UVRAG: variants seen among roughly 807,000 people sequenced by gnomAD.
UVRAG encodes the protein UV radiation resistance-associated gene protein.
UVRAG carries 19 observed loss-of-function variants against 78.0 expected under a neutral mutation model. That is an observed-to-expected ratio of 0.24 (90% CI 0.17 to 0.36). The LOEUF is 0.36. Among genes scored for constraint, UVRAG ranks in the 10% least tolerant of loss-of-function variants. The probability of loss-of-function intolerance (pLI) is 1.00; values close to 1 mark genes in which losing one functional copy is unlikely to be tolerated. For synonymous variants in UVRAG, 323 were observed against 324.6 expected, an observed-to-expected ratio of 1.00 and a Z score of 0.05; for missense variants, 740 against 853.8, an observed-to-expected ratio of 0.87 and a Z score of 1.66.
intron 5 of UVRAG, among the ~76,000 whole-genome samples, chr11:75,898,500 G>C (rs1466227171): frequency 3.3e-5 from 5 of 152,040 alleles, no homozygotes; most frequent in Non-Finnish European, 5.9e-5. Context: ...GCATCTAATA[G>C]GTATATAGTA....
At chr11:76,039,662 G>T (rs1045995642) in intron 12 of UVRAG, among the ~76,000 whole-genome samples, 7 of 152,258 alleles carry the variant, frequency 4.6e-5, no homozygotes, top group African/African-American at 1.7e-4. Context: ...ATCACCTAAG[G>T]TTGGGAGTTT....
intron 14 of UVRAG, among the ~76,000 whole-genome samples, chr11:76,125,541 C>T (rs2039378140): frequency 1.3e-5 from 2 of 152,186 alleles, no homozygotes; most frequent in South Asian, 4.1e-4. Context: ...TTTTTTCTGC[C>T]TCCAGTCAGG....
At chr11:75,860,288 C>A (rs554974652) in intron 2 of UVRAG, among the ~76,000 whole-genome samples, 1 of 152,330 alleles carries the variant, frequency 6.6e-6, no homozygotes, top group Admixed American at 6.5e-5. Flanking sequence ...TACCACTCAT[C>A]TTAGAGCTAG....
At chr11:75,838,806 C>T (rs1453744772) in intron 1 of UVRAG, 1 of 152,152 alleles carries the variant, frequency 6.6e-6, no homozygotes, top group East Asian at 1.9e-4. Context: ...AGAGGTGATA[C>T]CATGATACCA....
chr11:76,114,173 T>G (rs1246835647), intron 13 of UVRAG, among the ~76,000 whole-genome samples: 1 of 152,142 alleles, frequency 6.6e-6, no homozygotes, highest in African/African-American at 2.4e-5. Flanking sequence ...AACAATGAAT[T>G]CAGGAACGTC....
intron 13 of UVRAG, among the ~76,000 whole-genome samples, chr11:76,103,194 G>T (rs1209489315): frequency 6.6e-6 from 1 of 152,086 alleles, no homozygotes; most frequent in Non-Finnish European, 1.5e-5. Flanking sequence ...TAAAGAGTTT[G>T]TGTGATTAGA....
At chr11:76,055,002 C>G (rs1332429278) in intron 12 of UVRAG, among the ~76,000 whole-genome samples, 3 of 152,300 alleles carry the variant, frequency 2.0e-5, no homozygotes, top group African/African-American at 7.2e-5. Flanking sequence ...TACGTCTTCT[C>G]TCTTTCAAAT....
chr11:76,038,495 T>C (rs943781190), intron 12 of UVRAG, among the ~76,000 whole-genome samples: 4 of 152,228 alleles, frequency 2.6e-5, no homozygotes, highest in Non-Finnish European at 5.9e-5. Flanking sequence ...GTACATAAGT[T>C]ATATTTGTAG....
chr11:75,997,274 G>C (rs1382476002), intron 8 of UVRAG, among the ~76,000 whole-genome samples: 1 of 152,242 alleles, frequency 6.6e-6, no homozygotes, highest in Non-Finnish European at 1.5e-5. Flanking sequence ...TTTGACAGGA[G>C]CTGGCCATTG....
chr11:75,989,427 G>A (rs1291271088), intron 8 of UVRAG, among the ~76,000 whole-genome samples: 2 of 152,120 alleles, frequency 1.3e-5, no homozygotes, highest in Non-Finnish European at 1.5e-5. Context: ...ATTTGGAGCC[G>A]TTATAGGGCT....
At chr11:76,070,799 A>C (rs1004127030) in intron 13 of UVRAG, among the ~76,000 whole-genome samples, 2 of 152,182 alleles carry the variant, frequency 1.3e-5, no homozygotes, top group Admixed American at 6.5e-5. Context: ...ACAAAAAGCA[A>C]ACTCATGGAG....
intron 6 of UVRAG, among the ~76,000 whole-genome samples, chr11:75,945,677 A>G (rs1446905834): frequency 1.3e-5 from 2 of 152,070 alleles, no homozygotes; most frequent in African/African-American, 4.8e-5. Flanking sequence ...CCAGGTTTTC[A>G]TAATCTGACC....
At chr11:75,878,009 C>T (rs1946842964) in intron 3 of UVRAG, among the ~76,000 whole-genome samples, 1 of 151,340 alleles carries the variant, frequency 6.6e-6, no homozygotes, top group South Asian at 2.1e-4. Context: ...CGGAGACGCT[C>T]CTCACTTCCC....
At chr11:76,065,611 GT>G in intron 12 of UVRAG, 98 bp from the exon 13 acceptor site, 1 of 1,005,932 alleles carries the variant, frequency 9.9e-7, no homozygotes, top group Non-Finnish European at 1.5e-6. Flanking sequence ...CAATTCAGAT[GT>G]TTATGCTGTA....
intron 8 of UVRAG, among the ~76,000 whole-genome samples, chr11:75,985,184 T>TA (rs1260171339): frequency 6.6e-6 from 1 of 151,586 alleles, no homozygotes; most frequent in Non-Finnish European, 1.5e-5. Flanking sequence ...ATTTTGTATT[T>TA]ATCGCATTTG....
intron 13 of UVRAG, among the ~76,000 whole-genome samples, chr11:76,066,724 G>A (rs1020372709): frequency 6.6e-6 from 1 of 152,170 alleles, no homozygotes; most frequent in African/African-American, 2.4e-5. Flanking sequence ...GCCTGCCTCA[G>A]CCTCCCAAAG....
intron 1 of UVRAG, among the ~76,000 whole-genome samples, chr11:75,842,442 C>CTTT (rs11316075): frequency 3.7e-5 from 5 of 134,232 alleles, no homozygotes; most frequent in South Asian, 2.3e-4. Context: ...CCTTTTCTTT[C>CTTT]TTTTTTTTTT....
intron 6 of UVRAG, among the ~76,000 whole-genome samples, chr11:75,924,051 T>C (rs1159125897): frequency 2.0e-5 from 3 of 150,600 alleles, no homozygotes; most frequent in African/African-American, 7.5e-5. Flanking sequence ...GTGGACTATA[T>C]ACGTTCAGGG....
chr11:75,885,879 A>AT (rs1049693169), intron 4 of UVRAG, among the ~76,000 whole-genome samples: 4 of 152,084 alleles, frequency 2.6e-5, no homozygotes, highest in Non-Finnish European at 5.9e-5. Flanking sequence ...ACATTATTAG[A>AT]TTTTTTAATC....
Sources: allele counts gnomAD v4.1 joint callset (sites outside exome capture counted in the v4.1 genomes callset), GRCh38; gene constraint gnomAD v4.1.1; transcripts MANE v1.5; gene names NCBI Gene and HGNC (gene_info 2026-07-23, HGNC 2026-07-21).